The following STN1 variants were observed in gnomAD, a reference collection of about 807,000 sequenced individuals.
STN1 encodes STN1 subunit of CST complex.
STN1 carries 29 observed loss-of-function variants against 45.5 expected under a neutral mutation model. The observed-to-expected ratio is 0.64, with a 90% CI of 0.47 to 0.87. STN1 has a LOEUF of 0.87. STN1 is among the 40% of genes least tolerant of loss of function. The pLI is 0.00. For missense variants in STN1, 376 were observed against 441.4 expected, an observed-to-expected ratio of 0.85 and a Z score of 1.33; for synonymous variants, 148 against 159.0, an observed-to-expected ratio of 0.93 and a Z score of 0.52.
At chr10:103,909,444 G>GTATATATGTC (rs1843270681) in intron 3 of STN1, among the ~76,000 whole-genome samples, 1 of 49,918 alleles carries the variant, frequency 2.0e-5, no homozygotes, top group African/African-American at 5.3e-5. Flanking sequence ...GTATATATAT[G>GTATATATGTC]TATATATGTA....
intron 6 of STN1, among the ~76,000 whole-genome samples, chr10:103,898,673 C>T (rs532763924): frequency 6.6e-6 from 1 of 152,328 alleles, no homozygotes; most frequent in Non-Finnish European, 1.5e-5. Context: ...CTCACGACAA[C>T]CCTAGGACAT....
rs897370752 is a variant in STN1, at chr10:103,882,349, G to A, written c.*335C>T. 6.6e-6 allele frequency among the ~76,000 whole-genome samples: 1 copy of A among 152,226 alleles called. No individual in the cohort carries two copies. The highest frequency in any genetic ancestry group is 1.5e-5 in the Non-Finnish European group (1 of 68,044). ...CCTGTGGTGTCCCTTTGCCATGGAA[G>A]AGACTCCAACCACACACATCAGTTA... is the stretch of plus-strand genomic sequence containing the variant. On this transcript the variant is annotated 3_prime_UTR_variant, in exon 10 of 10. Transcript: ENST00000224950.
chr10:103,896,088 G>C (rs1843169143), intron 7 of STN1, among the ~76,000 whole-genome samples: 2 of 152,322 alleles, frequency 1.3e-5, no homozygotes, highest in Admixed American at 6.5e-5. Flanking sequence ...TGTCTCAGGG[G>C]AAAGGGAGTG....
At chr10:103,885,528 T>C (rs1843097831) in intron 9 of STN1, among the ~76,000 whole-genome samples, 1 of 152,188 alleles carries the variant, frequency 6.6e-6, no homozygotes, top group South Asian at 2.1e-4. Context: ...AAAAGTGATC[T>C]CCAGTCACTT....
At chr10:103,891,764 C>G (rs1223076819) in intron 8 of STN1, among the ~76,000 whole-genome samples, 1 of 152,170 alleles carries the variant, frequency 6.6e-6, no homozygotes, top group Non-Finnish European at 1.5e-5. Context: ...GGATCAGTTC[C>G]AGGACCCTCA....
chr10:103,900,112 C>T lies in STN1; in HGVS notation c.407G>A (p.Gly136Asp), dbSNP rs1360935761. The T allele has an allele frequency of 6.8e-6, 11 of 1,614,170 alleles. No homozygotes were observed. In the East Asian group the frequency reaches 2.0e-4, roughly 29 times the overall value. ...IEIGDTIRVR[G>D]SIRTYREERE... is the part of the protein sequence containing the mutation. ...CTCTTCTCTGTATGTGCGGATACTG[C>T]CTCTGACTCGGATCGTGTCCCCGAT... The change falls in exon 5 of 10, where the codon GGC (glycine) becomes GAC (aspartate). Residue 136 changes from glycine (G) to aspartate (D), a missense_variant. Gly to Asp is a moderately conservative substitution (Grantham distance 94). Transcript: ENST00000224950.
intron 4 of STN1, 83 bp downstream of exon 4, chr10:103,905,008 G>T: frequency 1.7e-6 from 2 of 1,170,224 alleles, no homozygotes; most frequent in East Asian, 2.3e-5. Context: ...TGAAAATTTA[G>T]CCCTATAGCT....
In STN1 at chr10:103,889,161, G is replaced by A; in HGVS notation, c.877-17C>T. ...TCTGGTTACCTAAATAGGAAAAATA[G>A]TTGAGAGAGAGAGTGTTCTTAGGTA... On this transcript the variant is annotated splice_polypyrimidine_tract_variant and intron_variant, in intron 8 of 9. Transcript: ENST00000224950. The A allele has an allele frequency of 6.4e-7, 1 of 1,563,476 alleles. No homozygotes were observed. Among genetic ancestry groups the A allele is most frequent in the Non-Finnish European group, 8.8e-7 (1 of 1,133,938 alleles).
intron 7 of STN1, 86 bp from the exon 8 acceptor site, chr10:103,892,338 G>A: frequency 1.5e-6 from 2 of 1,290,720 alleles, no homozygotes; most frequent in South Asian, 3.2e-5. Context: ...ACTGGTTCAT[G>A]AATTTGTCCA....
At chr10:103,908,733 C>G (rs1481380697) in intron 3 of STN1, among the ~76,000 whole-genome samples, 3 of 152,160 alleles carry the variant, frequency 2.0e-5, no homozygotes, top group African/African-American at 7.2e-5. Flanking sequence ...AATCATAGTG[C>G]CTTAATCTTT....
At chr10:103,910,659 G>C in intron 2 of STN1, 37 bp from the exon 3 acceptor site, 1 of 1,139,250 alleles carries the variant, frequency 8.8e-7, no homozygotes, top group Non-Finnish European at 1.3e-6. Flanking sequence ...CATAATGTAT[G>C]ATTACATTTT....
chr10:103,900,119 C>G lies in STN1; in HGVS notation c.400G>C (p.Val134Leu). Residue 134 changes from valine to leucine, a missense_variant, in exon 5 of 10, where the codon GTC becomes CTC. Val to Leu is a conservative substitution (Grantham distance 32, BLOSUM62 1). Coordinates refer to ENST00000224950, the MANE Select transcript of STN1 (RefSeq NM_024928.5). ...TKIEIGDTIR[V>L]RGSIRTYREE... is the part of the protein sequence containing the mutation. ...CTGTATGTGCGGATACTGCCTCTGA[C>G]TCGGATCGTGTCCCCGATCTCTATC... 4 of 1,614,210 alleles carry G rather than the reference C, an allele frequency of 2.5e-6. No homozygotes were observed. Among genetic ancestry groups the G allele is most frequent in the Non-Finnish European group, 3.4e-6 (4 of 1,180,028 alleles).
intron 3 of STN1, among the ~76,000 whole-genome samples, chr10:103,907,827 T>TA (rs35393286): frequency 6.4e-4 from 94 of 146,328 alleles, no homozygotes; most frequent in African/African-American, 9.3e-4. Context: ...AATAGAAAGT[T>TA]AAAAAAAAAA....
chr10:103,889,244 T>C, intron 8 of STN1, 100 bp from the exon 9 acceptor site: 1 of 762,038 alleles, frequency 1.3e-6, no homozygotes, highest in Non-Finnish European at 2.3e-6. Context: ...TTTCTAAAGA[T>C]TACATAATAA....
chr10:103,884,734 T>G (rs1357939159), intron 9 of STN1, among the ~76,000 whole-genome samples: 1 of 152,216 alleles, frequency 6.6e-6, no homozygotes, highest in African/African-American at 2.4e-5. Context: ...TGCACTTCTG[T>G]AGCTTTGGGC....
Position 103,910,670 on chromosome 10 carries a change from C to G in STN1, c.134-48G>C, listed in dbSNP as rs538687452. 1.0e-5 allele frequency: 11 copies of G among 1,054,764 alleles called. No homozygotes were observed. The African/African-American group carries it at 1.2e-4, about 12-fold the overall frequency. 65.3% of individuals were successfully genotyped at this position (1,054,764 alleles called of 1,614,324 possible). The stretch of plus-strand genomic sequence containing the variant: ...TCGACATAATGTATGATTACATTTT[C>G]TGCTTCAATAAATCTTAACTTGTAG... On this transcript the variant is annotated intron_variant, in intron 2 of 9. Coordinates refer to ENST00000224950, the MANE Select transcript of STN1 (RefSeq NM_024928.5).
intron 7 of STN1, among the ~76,000 whole-genome samples, chr10:103,893,398 G>A (rs932326397): frequency 2.0e-5 from 3 of 152,062 alleles, no homozygotes; most frequent in Non-Finnish European, 4.4e-5. Context: ...TCGATCTCCC[G>A]ACCTCGTGAT....
intron 2 of STN1, 41 bp downstream of exon 2, chr10:103,917,421 C>A: frequency 6.3e-7 from 1 of 1,587,160 alleles, no homozygotes; most frequent in Non-Finnish European, 8.6e-7. Context: ...GAAAGGGTGG[C>A]AGATGCAGCC....
chr10:103,884,897 T>A (rs1299050985), intron 9 of STN1, among the ~76,000 whole-genome samples: 1 of 152,174 alleles, frequency 6.6e-6, no homozygotes, highest in Admixed American at 6.5e-5. Context: ...TCCTTCCAAC[T>A]GGGATTGCTG....
Sources: gnomAD v4.1 joint callset for allele counts (sites outside exome capture counted in the v4.1 genomes callset) on GRCh38, gnomAD v4.1.1 for gene constraint, MANE v1.5 for transcripts, NCBI Gene and HGNC (gene_info 2026-07-23, HGNC 2026-07-21) for gene names.